The following APOBEC3D variants were observed in gnomAD, a reference collection of about 807,000 sequenced individuals.
APOBEC3D encodes apolipoprotein B mRNA editing enzyme catalytic subunit 3D, also known as DNA dC->dU-editing enzyme APOBEC-3D.
In APOBEC3D, 37 loss-of-function variants were observed where a neutral mutation model predicts 45.6. The ratio of observed to expected loss-of-function variants is 0.81; its 90% confidence interval spans 0.62 to 1.07. APOBEC3D has a LOEUF of 1.07. APOBEC3D is among the 50% of genes least tolerant of loss of function. APOBEC3D has a pLI of 0.00. For missense variants in APOBEC3D, 496 were observed against 495.3 expected (o/e 1.00, Z -0.01); for synonymous variants, 175 against 180.7 (o/e 0.97, Z 0.25).
In APOBEC3D at chr22:39,022,992, G is replaced by T. The variant is rs771281231; in HGVS notation, c.188G>T (p.Arg63Leu). The T allele has an allele frequency of 4.2e-5, 68 of 1,602,838 alleles. No individual in the cohort carries two copies. Among genetic ancestry groups the T allele is most frequent in the African/African-American group, 8.1e-5 (6 of 74,322 alleles). ...TTTCGAGGCCCGGTACTACCCAAAC[G>T]TCAGTCGAATCACAGGCAGGAGGTA... ...GVFRGPVLPKRQSNHRQEVYF... is the reference protein window; with the variant it reads ...GVFRGPVLPKLQSNHRQEVYF... The change falls in exon 2 of 7, where the codon CGT (arginine) becomes CTT (leucine). Residue 63 changes from arginine (R) to leucine (L), a missense_variant. Physicochemically the swap from Arg to Leu is moderately radical, Grantham distance 102. Coordinates refer to ENST00000216099, the MANE Select transcript of APOBEC3D (RefSeq NM_152426.4).
At chr22:39,023,741 G>T (rs1265224268) in intron 2 of APOBEC3D, among the ~76,000 whole-genome samples, 2 of 152,012 alleles carry the variant, frequency 1.3e-5, no homozygotes, top group African/African-American at 2.4e-5. Context: ...GAGCCACTGC[G>T]CCTGGCCTCC....
chr22:39,029,582 C>A, intron 5 of APOBEC3D, 63 bp downstream of exon 5: 1 of 1,590,504 alleles, frequency 6.3e-7, no homozygotes, highest in Admixed American at 1.7e-5. Context: ...GCAGAAAACA[C>A]AATACGTGAC....
intron 4 of APOBEC3D, among the ~76,000 whole-genome samples, chr22:39,026,713 G>T (rs1190419549): frequency 1.3e-5 from 2 of 151,812 alleles, no homozygotes; most frequent in Non-Finnish European, 2.9e-5. Flanking sequence ...AAAGAGTCAA[G>T]CAAACACTCA....
In APOBEC3D at chr22:39,031,881, C is replaced by T; in HGVS notation, c.950C>T (p.Ala317Val). Reference sequence around the variant, plus strand: ...AACGTGAATCTCACCATCTTCACCGCCCGCCTCTGCTACTTCTGGGATACA... The same window carrying T: ...AACGTGAATCTCACCATCTTCACCGTCCGCCTCTGCTACTTCTGGGATACA... The part of the protein sequence containing the change: ...HSNVNLTIFT[A>V]RLCYFWDTDY... The change falls in exon 6 of 7, where the codon GCC becomes GTC. Residue 317 changes from alanine (A) to valine (V), a missense_variant. Coordinates refer to ENST00000216099, the MANE Select transcript of APOBEC3D (RefSeq NM_152426.4). The T allele has an allele frequency of 6.2e-7, 1 of 1,614,194 alleles. No individual in the cohort carries two copies. The highest frequency in any genetic ancestry group is 8.5e-7 in the Non-Finnish European group (1 of 1,180,040).
chr22:39,027,269 A>G (rs558062029), intron 4 of APOBEC3D, among the ~76,000 whole-genome samples: 10 of 152,174 alleles, frequency 6.6e-5, no homozygotes, highest in Admixed American at 2.6e-4. Flanking sequence ...GGGGGCACGC[A>G]TGGCATCCTG....
At chr22:39,031,436 A>G (rs556672292) in intron 5 of APOBEC3D, among the ~76,000 whole-genome samples, 214 of 152,224 alleles carry the variant, frequency 1.4e-3, no homozygotes, top group Non-Finnish European at 2.4e-3. Flanking sequence ...CGGGCGTGGC[A>G]GCACACACCT....
At chr22:39,030,991 C>T (rs944436929) in intron 5 of APOBEC3D, among the ~76,000 whole-genome samples, 1 of 152,142 alleles carries the variant, frequency 6.6e-6, no homozygotes, top group African/African-American at 2.4e-5. Flanking sequence ...CATGGTGAAA[C>T]CCTGTCTCTA....
At chr22:39,029,578 AAC>A (rs1432067097) in intron 5 of APOBEC3D, 59 bp downstream of exon 5, 2 of 1,600,766 alleles carry the variant, frequency 1.2e-6, no homozygotes, top group Non-Finnish European at 1.7e-6. Context: ...GAACGCAGAA[AAC>A]ACAATACGTG....
rs751837393 is a variant in APOBEC3D at position 39,025,220 on chromosome 22, G to T, written c.361G>T (p.Ala121Ser). 12 of 1,613,704 alleles carry T rather than the reference G, an allele frequency of 7.4e-6. No individual in the cohort carries two copies. The East Asian group carries it at 2.7e-4, about 36-fold the overall frequency. ...PCVVKVTKFL[A>S]EHPNVTLTIS... is the part of the protein sequence containing the mutation. Reference sequence around the variant, plus strand: ...TGTGGTGAAGGTGACCAAATTCTTGGCTGAGCACCCCAATGTCACCCTGAC... The same window carrying T: ...TGTGGTGAAGGTGACCAAATTCTTGTCTGAGCACCCCAATGTCACCCTGAC... The change falls in exon 3 of 7, where the codon GCT becomes TCT. Residue 121 changes from alanine (A) to serine (S), a missense_variant. Transcript: ENST00000216099.
chr22:39,032,011 G>T, intron 6 of APOBEC3D, 38 bp downstream of exon 6: 1 of 1,611,330 alleles, frequency 6.2e-7, no homozygotes, highest in Admixed American at 1.7e-5. Flanking sequence ...GGTGCGGGAG[G>T]GACAGCATGA....
At position 39,025,094 on chromosome 22, in the gene APOBEC3D, G is replaced by A. The variant is rs752483265; in HGVS notation, c.235G>A (p.Ala79Thr). 1.5e-5 allele frequency: 23 copies of A among 1,484,210 alleles called. No individual in the cohort carries two copies. Among genetic ancestry groups the A allele is most frequent in the Middle Eastern group, 1.9e-4 (1 of 5,386 alleles). 91.9% of individuals were successfully genotyped at this position (1,484,210 alleles called of 1,614,324 possible). The change falls in exon 3 of 7, where the codon GCA becomes ACA. Residue 79 changes from alanine (A) to threonine (T), a missense_variant. Transcript: ENST00000216099. The stretch of plus-strand genomic sequence containing the variant: ...GGTGTATTTCCGGTTTGAGAACCAC[G>A]CAGAAATGTGCTTCTTATCTTGGTT... ...QEVYFRFENH[A>T]EMCFLSWFCG...
intron 5 of APOBEC3D, among the ~76,000 whole-genome samples, chr22:39,030,090 A>G: frequency 6.6e-6 from 1 of 150,826 alleles, no homozygotes; most frequent in Non-Finnish European, 1.5e-5. Context: ...CTCGGGAAAC[A>G]GCAGCTGTGG....
At chr22:39,030,549 G>C (rs1217289513) in intron 5 of APOBEC3D, among the ~76,000 whole-genome samples, 1 of 152,138 alleles carries the variant, frequency 6.6e-6, no homozygotes, top group African/African-American at 2.4e-5. Context: ...TGCCTCATGA[G>C]AGAGTTAAAG....
At chr22:39,032,151 G>A (rs1926289520) in intron 6 of APOBEC3D, 47 bp from the exon 7 acceptor site, 1 of 1,605,460 alleles carries the variant, frequency 6.2e-7, no homozygotes, top group Admixed American at 1.7e-5. Flanking sequence ...AGGGCCGGGA[G>A]AGAGGCTTGC....
intron 1 of APOBEC3D, among the ~76,000 whole-genome samples, 199 bp downstream of exon 1, chr22:39,021,735 CT>C (rs1015051273): frequency 3.9e-5 from 6 of 152,278 alleles, no homozygotes; most frequent in African/African-American, 1.4e-4. Flanking sequence ...AATGGGCCAC[CT>C]TCCCCACCTG....
intron 2 of APOBEC3D, among the ~76,000 whole-genome samples, chr22:39,024,037 T>A (rs1925390705): frequency 6.6e-6 from 1 of 152,124 alleles, no homozygotes; most frequent in South Asian, 2.1e-4. Context: ...CACCCAGGAC[T>A]CAGGAATGAA....
intron 4 of APOBEC3D, among the ~76,000 whole-genome samples, chr22:39,026,655 C>T (rs1925696047): frequency 6.6e-6 from 1 of 152,214 alleles, no homozygotes; most frequent in Non-Finnish European, 1.5e-5. Context: ...GGGCCTCCGG[C>T]TCACGCCTGT....
intron 1 of APOBEC3D, among the ~76,000 whole-genome samples, chr22:39,022,375 G>T (rs562663723): frequency 1.3e-5 from 2 of 152,208 alleles, no homozygotes; most frequent in African/African-American, 2.4e-5. Flanking sequence ...CCACCCCCAC[G>T]CAGCACTTAG....
chr22:39,025,474 A>G (rs374339162), intron 3 of APOBEC3D, 83 bp from the exon 4 acceptor site: 2 of 1,613,964 alleles, frequency 1.2e-6, no homozygotes, highest in African/African-American at 2.7e-5. Context: ...CACTGATTGC[A>G]ACTGACAGCC....
Sources: gnomAD v4.1 joint callset for allele counts (sites outside exome capture counted in the v4.1 genomes callset) on GRCh38, gnomAD v4.1.1 for gene constraint, MANE v1.5 for transcripts, NCBI Gene and HGNC (gene_info 2026-07-23, HGNC 2026-07-21) for gene names.